The following CLDN10 variants were observed in gnomAD, a reference collection of about 807,000 sequenced individuals.
CLDN10 encodes the protein claudin-10.
A neutral mutation model predicts 22.9 loss-of-function variants in CLDN10; 15 were observed. That is an observed-to-expected ratio of 0.65 (90% CI 0.44 to 1.01). CLDN10 has a LOEUF of 1.01. Ranked by LOEUF, CLDN10 falls within the 50% of genes least tolerant of loss-of-function variation. CLDN10 has a pLI of 0.00. For synonymous variants in CLDN10, 114 were observed against 111.4 expected (o/e 1.02, Z -0.15); for missense variants, 247 against 287.8 (o/e 0.86, Z 1.03).
At chr13:95,496,144 T>C (rs187175043) in intron 1 of CLDN10, among the ~76,000 whole-genome samples, 80 of 152,360 alleles carry the variant, frequency 5.3e-4, no homozygotes, top group South Asian at 3.9e-3. Context: ...TTCTCTCCTC[T>C]TTTCAACTAC....
At chr13:95,538,778 G>A (rs886639578) in intron 1 of CLDN10, among the ~76,000 whole-genome samples, 2 of 152,082 alleles carry the variant, frequency 1.3e-5, no homozygotes, top group African/African-American at 4.8e-5. Flanking sequence ...TGCTGTACCC[G>A]CTTATGGCAA....
At chr13:95,541,827 T>C (rs533477949) in intron 1 of CLDN10, among the ~76,000 whole-genome samples, 2 of 152,220 alleles carry the variant, frequency 1.3e-5, no homozygotes, top group South Asian at 4.1e-4. Flanking sequence ...CTCCCAAGGC[T>C]GAACTGACCT....
chr13:95,500,900 A>G (rs1053418952), intron 1 of CLDN10, among the ~76,000 whole-genome samples: 2 of 152,228 alleles, frequency 1.3e-5, no homozygotes, highest in Non-Finnish European at 1.5e-5. Context: ...TGGGAAACAA[A>G]GAAAATTGAA....
At chr13:95,483,577 C>G (rs6492794) in intron 1 of CLDN10, among the ~76,000 whole-genome samples, 89,723 of 151,510 alleles carry the variant, frequency 0.59, 27,760 homozygotes, top group African/African-American at 0.79. Context: ...TTCATGAAGG[C>G]GTGCCTGTGG....
At chr13:95,499,334 G>T (rs1315371288) in intron 1 of CLDN10, among the ~76,000 whole-genome samples, 2 of 152,148 alleles carry the variant, frequency 1.3e-5, no homozygotes, top group Admixed American at 6.5e-5. Context: ...CTGAGGTCAG[G>T]AGTTCTAGAC....
At chr13:95,528,639 G>A (rs2043310015) in intron 1 of CLDN10, 1 of 152,162 alleles carries the variant, frequency 6.6e-6, no homozygotes, top group African/African-American at 2.4e-5. Context: ...AGATCAAACA[G>A]AAATAAACAA....
At chr13:95,479,319 C>T (rs1393553824) in intron 1 of CLDN10, 1 of 151,836 alleles carries the variant, frequency 6.6e-6, no homozygotes, top group Admixed American at 6.6e-5. Context: ...CACTGCACTC[C>T]AGTCTGGGTG....
exon 1 of CLDN10, chr13:95,433,981 A>C: frequency 6.2e-7 from 1 of 1,614,214 alleles, no homozygotes; most frequent in Non-Finnish European, 8.5e-7. Flanking sequence ...TCTGTGGATG[A>C]ACTGCGCAGG....
intron 3 of CLDN10, among the ~76,000 whole-genome samples, chr13:95,569,765 A>T (rs770111720): frequency 2.4e-4 from 36 of 152,026 alleles, no homozygotes; most frequent in Non-Finnish European, 4.7e-4. Context: ...ACTGAATAAA[A>T]TGTCAGATAC....
intron 1 of CLDN10, among the ~76,000 whole-genome samples, chr13:95,517,717 C>G (rs1412284739): frequency 6.6e-6 from 1 of 152,016 alleles, no homozygotes; most frequent in Non-Finnish European, 1.5e-5. Context: ...GGGTGGATCA[C>G]CTGAGGTCAG....
chr13:95,579,747 T>A lies in CLDN10; in HGVS notation c.*1733T>A, dbSNP rs1174996561. On this transcript the variant is annotated 3_prime_UTR_variant, in exon 5 of 5. Coordinates refer to ENST00000299339, the MANE Select transcript of CLDN10 (RefSeq NM_006984.5). ...GTTAAAAGATAAAAAATAAAAAAAA[T>A]TCCATACCTTGATAATCCTTGAAAT... 3 of 152,294 alleles carry A rather than the reference T, an allele frequency of 2.0e-5. No individual in the cohort carries two copies. The highest frequency in any genetic ancestry group is 2.1e-4 in the South Asian group (1 of 4,828). 9.4% of individuals were successfully genotyped at this position (152,294 alleles called of 1,614,324 possible).
At chr13:95,440,077 C>G (rs2042310572) in intron 1 of CLDN10, among the ~76,000 whole-genome samples, 1 of 152,070 alleles carries the variant, frequency 6.6e-6, no homozygotes, top group South Asian at 2.1e-4. Context: ...CCATGCCTGG[C>G]TAATTTTTGT....
At chr13:95,516,208 T>C (rs1367151787) in intron 1 of CLDN10, among the ~76,000 whole-genome samples, 1 of 152,218 alleles carries the variant, frequency 6.6e-6, no homozygotes, top group African/African-American at 2.4e-5. Flanking sequence ...AGCTTCATAG[T>C]AATAGAATAT....
chr13:95,434,059 G>A, intron 1 of CLDN10: 5 of 1,609,086 alleles, frequency 3.1e-6, no homozygotes, highest in Non-Finnish European at 3.4e-6. Context: ...TAAATATAAT[G>A]GCTTTGTTTG....
chr13:95,510,905 G>C (rs923437909), intron 1 of CLDN10, among the ~76,000 whole-genome samples: 3 of 152,122 alleles, frequency 2.0e-5, no homozygotes, highest in African/African-American at 4.8e-5. Context: ...TGTGAGACAA[G>C]TTATTCAGGC....
At chr13:95,546,435 T>G (rs901993476) in intron 1 of CLDN10, among the ~76,000 whole-genome samples, 4 of 152,224 alleles carry the variant, frequency 2.6e-5, no homozygotes, top group African/African-American at 9.6e-5. Flanking sequence ...TAGTATCTAT[T>G]GCATGGAATT....
intron 1 of CLDN10, among the ~76,000 whole-genome samples, chr13:95,521,513 C>T (rs1260807124): frequency 6.6e-6 from 1 of 152,112 alleles, no homozygotes; most frequent in African/African-American, 2.4e-5. Context: ...AAACCAAACT[C>T]TGCGATGTCA....
At chr13:95,493,665 T>G (rs1177225220) in intron 1 of CLDN10, among the ~76,000 whole-genome samples, 1 of 151,806 alleles carries the variant, frequency 6.6e-6, no homozygotes, top group African/African-American at 2.4e-5. Flanking sequence ...GTTCAAGAGA[T>G]TCTCCTGTCT....
chr13:95,531,432 C>T (rs965066618), intron 1 of CLDN10, among the ~76,000 whole-genome samples: 31 of 152,198 alleles, frequency 2.0e-4, no homozygotes, highest in Middle Eastern at 3.4e-3. Context: ...TTCTAGTAGG[C>T]GGTCAAAAGT....
Sources: allele counts gnomAD v4.1 joint callset (sites outside exome capture counted in the v4.1 genomes callset), GRCh38; gene constraint gnomAD v4.1.1; transcripts MANE v1.5; gene names NCBI Gene and HGNC (gene_info 2026-07-23, HGNC 2026-07-21).